The following GRAMD1B variants were observed in gnomAD, a reference collection of about 807,000 sequenced individuals.
GRAMD1B encodes the protein protein Aster-B.
In GRAMD1B, 37 loss-of-function variants were observed where a neutral mutation model predicts 99.7. The ratio of observed to expected loss-of-function variants is 0.37; its 90% CI spans 0.29 to 0.49. The LOEUF is 0.49. Ranked by LOEUF, GRAMD1B falls within the 20% of genes least tolerant of loss-of-function variation. The pLI, the probability that GRAMD1B is intolerant of heterozygous loss-of-function variation, is 0.98. For missense variants in GRAMD1B, 888 were observed against 1,009.2 expected, an observed-to-expected ratio of 0.88 and a Z score of 1.63; for synonymous variants, 427 against 387.6, an observed-to-expected ratio of 1.10 and a Z score of -1.19.
intron 1 of GRAMD1B, among the ~76,000 whole-genome samples, chr11:123,394,759 C>T (rs1947400687): frequency 6.6e-6 from 1 of 152,182 alleles, no homozygotes; most frequent in Non-Finnish European, 1.5e-5. Flanking sequence ...GTTTATTTCT[C>T]ACAGTTCTAG....
At chr11:123,564,250 AC>A (rs1422972501) in intron 2 of GRAMD1B, among the ~76,000 whole-genome samples, 2 of 152,176 alleles carry the variant, frequency 1.3e-5, no homozygotes, top group African/African-American at 4.8e-5. Flanking sequence ...GTGGGCCCAG[AC>A]TGCCTGGATT....
At chr11:123,400,193 C>G (rs1341708188) in intron 1 of GRAMD1B, among the ~76,000 whole-genome samples, 12 of 152,046 alleles carry the variant, frequency 7.9e-5, no homozygotes, top group Admixed American at 7.9e-4. Flanking sequence ...AAATAGAAAT[C>G]AGGCCAGGCA....
intron 1 of GRAMD1B, among the ~76,000 whole-genome samples, chr11:123,462,252 C>T (rs1950462394): frequency 6.6e-6 from 1 of 152,188 alleles, no homozygotes. Context: ...CAGGTGTGAG[C>T]CACCGTGCCG....
intron 1 of GRAMD1B, among the ~76,000 whole-genome samples, chr11:123,364,310 G>A (rs1469062587): frequency 6.6e-6 from 1 of 152,162 alleles, no homozygotes; most frequent in East Asian, 1.9e-4. Context: ...AATGAAACAG[G>A]CTTACTAGCC....
At chr11:123,403,160 C>T (rs1947727035) in intron 1 of GRAMD1B, among the ~76,000 whole-genome samples, 1 of 152,082 alleles carries the variant, frequency 6.6e-6, no homozygotes, top group Non-Finnish European at 1.5e-5. Context: ...CACGGAGGCT[C>T]ACGCCTGTAA....
At chr11:123,405,372 C>T (rs893132514) in intron 1 of GRAMD1B, among the ~76,000 whole-genome samples, 2 of 152,166 alleles carry the variant, frequency 1.3e-5, no homozygotes, top group Non-Finnish European at 2.9e-5. Flanking sequence ...CATCCTCCCC[C>T]CTCGAAGGCT....
At position 123,618,680 on chromosome 11, in the gene GRAMD1B, G is replaced by T. The variant is rs765147426; in HGVS notation, c.2319-13G>T. 2 of 1,457,620 alleles carry T rather than the reference G, an allele frequency of 1.4e-6. No individual in the cohort carries two copies. Among genetic ancestry groups the T allele is most frequent in the Non-Finnish European group, 9.5e-7 (1 of 1,052,604 alleles). The allele number at this position is 1,457,620 out of a possible 1,614,324, so 90.3% of individuals were successfully genotyped here. On this transcript the variant is annotated splice_polypyrimidine_tract_variant and intron_variant, in intron 17 of 19. Coordinates refer to ENST00000635736, the MANE Select transcript of GRAMD1B (RefSeq NM_001387025.1). ...TCACTGCTGATGTTTTTTTCCCCAC[G>T]TCTCCTTCCTAGTCTGGTGCTGCTG...
intron 7 of GRAMD1B, among the ~76,000 whole-genome samples, chr11:123,596,642 G>A (rs1951311127): frequency 6.6e-6 from 1 of 152,242 alleles, no homozygotes; most frequent in Non-Finnish European, 1.5e-5. Flanking sequence ...GACTCAGGCA[G>A]TTCAGTGGCA....
intron 4 of GRAMD1B, among the ~76,000 whole-genome samples, chr11:123,589,294 C>T (rs180917028): frequency 6.6e-6 from 1 of 151,912 alleles, no homozygotes; most frequent in Non-Finnish European, 1.5e-5. Flanking sequence ...CATGCTACAC[C>T]ATGAATGGAG....
chr11:123,447,569 T>C (rs1591555570), intron 1 of GRAMD1B, among the ~76,000 whole-genome samples: 1 of 152,064 alleles, frequency 6.6e-6, no homozygotes, highest in East Asian at 1.9e-4. Context: ...GCAGCATGGG[T>C]TGGAGGCTCT....
chr11:123,523,451 T>C (rs892711092), intron 2 of GRAMD1B, among the ~76,000 whole-genome samples: 1 of 152,144 alleles, frequency 6.6e-6, no homozygotes, highest in Non-Finnish European at 1.5e-5. Context: ...ACAGGCAAAA[T>C]GCTTAGCTTG....
At chr11:123,485,754 T>A (rs1267156824) in intron 2 of GRAMD1B, among the ~76,000 whole-genome samples, 6 of 150,776 alleles carry the variant, frequency 4.0e-5, no homozygotes, top group African/African-American at 1.5e-4. Context: ...TCTTGCTCTG[T>A]TACCCAGGGT....
chr11:123,462,220 G>A (rs1950461397), intron 1 of GRAMD1B, among the ~76,000 whole-genome samples: 1 of 152,126 alleles, frequency 6.6e-6, no homozygotes, highest in Non-Finnish European at 1.5e-5. Flanking sequence ...GCCCGCCTTG[G>A]CCTCCCAAAG....
At chr11:123,467,182 A>G (rs1950721400) in intron 1 of GRAMD1B, among the ~76,000 whole-genome samples, 1 of 152,088 alleles carries the variant, frequency 6.6e-6, no homozygotes, top group Non-Finnish European at 1.5e-5. Flanking sequence ...TTGGCATGAA[A>G]AGTTAAAGCT....
At chr11:123,542,810 GCCCGGC>G (rs1306835775) in intron 2 of GRAMD1B, among the ~76,000 whole-genome samples, 3 of 151,988 alleles carry the variant, frequency 2.0e-5, no homozygotes, top group Non-Finnish European at 4.4e-5. Context: ...GTGCCACCAT[GCCCGGC>G]TAATTTTTTG....
At position 123,547,733 on chromosome 11, in the gene GRAMD1B, C is replaced by T. The variant is rs576235954; in HGVS notation, c.453-29634C>T. 1.5e-4 allele frequency among the ~76,000 whole-genome samples: 23 copies of T among 152,246 alleles called. No individual in the cohort carries two copies. In the South Asian group the frequency reaches 4.8e-3, roughly 32 times the overall value. ...GGCAGGGTTTTTAGACCCACACTGT[C>T]TTTATTTATCTTTGAACAATAGGCC... On this transcript the variant is annotated intron_variant, in intron 2 of 19. Transcript: ENST00000635736.
chr11:123,434,510 G>T (rs552464287), intron 1 of GRAMD1B, among the ~76,000 whole-genome samples: 2 of 152,010 alleles, frequency 1.3e-5, no homozygotes, highest in Non-Finnish European at 1.5e-5. Flanking sequence ...AATTGGTGGC[G>T]GGGTGTGGTA....
rs1420110427 is a variant in GRAMD1B, at chr11:123,587,653, C to G, written c.684+3321C>G. Among the ~76,000 whole-genome samples, 2 of 152,198 alleles carry G rather than the reference C, an allele frequency of 1.3e-5. No homozygotes were observed. The highest frequency in any genetic ancestry group is 1.9e-4 in the East Asian group (1 of 5,184). On this transcript the variant is annotated intron_variant, in intron 4 of 19. Transcript: ENST00000635736. This position sits in a 1 kb window ranked among gnomAD's most constrained non-coding sequence, Gnocchi z 4.2. The stretch of plus-strand genomic sequence containing the variant: ...GCCCCAGAAGGAGCATTTCTGAGAT[C>G]AGAGCACAGGAGCCCAGACCCTGGC...
At chr11:123,580,253 A>C (rs963806786) in intron 3 of GRAMD1B, among the ~76,000 whole-genome samples, 1 of 152,088 alleles carries the variant, frequency 6.6e-6, no homozygotes, top group Non-Finnish European at 1.5e-5. Context: ...CCAGTAGGGG[A>C]ATTAGGTTCT....
Sources: gnomAD v4.1 joint callset for allele counts (sites outside exome capture counted in the v4.1 genomes callset) on GRCh38, gnomAD v4.1.1 for gene constraint, Gnocchi (gnomAD v3.1) non-coding constraint, MANE v1.5 for transcripts, NCBI Gene and HGNC (gene_info 2026-07-23, HGNC 2026-07-21) for gene names.